Variants in DCC observed in about 807,000 individuals in gnomAD.
The protein encoded by DCC is DCC netrin 1 receptor, also known as netrin receptor DCC.
Under a neutral mutation model 172.5 loss-of-function variants are expected in DCC, and 58 were observed. That is an observed-to-expected ratio of 0.34 (90% CI 0.27 to 0.42). DCC has a LOEUF of 0.42. Among genes scored for constraint, DCC ranks in the 10% least tolerant of loss-of-function variants. The probability of loss-of-function intolerance (pLI) is 1.00; values close to 1 mark genes in which losing one functional copy is unlikely to be tolerated. For synonymous variants in DCC, 709 were observed against 644.5 expected (o/e 1.10, Z -1.52); for missense variants, 1,740 against 1,791.0 (o/e 0.97, Z 0.51).
At chr18:53,329,677 A>C (rs886997756) in intron 14 of DCC, among the ~76,000 whole-genome samples, 2 of 152,204 alleles carry the variant, frequency 1.3e-5, no homozygotes, top group Non-Finnish European at 2.9e-5. Flanking sequence ...TTTCCAAATC[A>C]ATGAATAATT....
chr18:52,954,208 C>A (rs1445598586), intron 5 of DCC, among the ~76,000 whole-genome samples: 1 of 152,098 alleles, frequency 6.6e-6, no homozygotes, highest in South Asian at 2.1e-4. Context: ...AACCCAAATA[C>A]CATGAGAATA....
Position 52,802,643 on chromosome 18 carries a change from CTTTTTTTTTTTTT to C in DCC, c.412+50297_412+50309del, listed in dbSNP as rs776080029. On this transcript the variant is annotated intron_variant, in intron 2 of 28. Transcript: ENST00000442544. ...ACAGGTACACATCACCACGCCAAGCCTTTTTTTTTTTTTTTTTTTTTTTTTTTTTTTTTTTTTT... is the reference window on the plus strand; with the variant it reads ...ACAGGTACACATCACCACGCCAAGCCTTTTTTTTTTTTTTTTTTTTTTTTT... 6.0e-3 allele frequency among the ~76,000 whole-genome samples: 228 copies of C among 38,166 alleles called. 2 individuals are homozygous for C. The highest frequency in any genetic ancestry group is 9.3e-3 in the Non-Finnish European group (181 of 19,526). The allele number at this position is 38,166 out of a possible 152,430, so 25.0% of individuals were successfully genotyped here.
At chr18:52,896,840 G>T (rs532642502) in intron 2 of DCC, among the ~76,000 whole-genome samples, 2 of 150,250 alleles carry the variant, frequency 1.3e-5, no homozygotes, top group African/African-American at 2.5e-5. Flanking sequence ...ACCTCCAGGG[G>T]AAAGCTGGGT....
chr18:53,089,275 A>G (rs1373154082), intron 7 of DCC, among the ~76,000 whole-genome samples: 1 of 152,002 alleles, frequency 6.6e-6, no homozygotes, highest in Non-Finnish European at 1.5e-5. Context: ...TAGTAGAGAC[A>G]GGGTTTCACC....
chr18:52,700,416 C>T (rs905876552), intron 1 of DCC, among the ~76,000 whole-genome samples: 1 of 151,882 alleles, frequency 6.6e-6, no homozygotes, highest in African/African-American at 2.4e-5. Context: ...CACGCACATG[C>T]ACACACACAC....
At chr18:53,150,435 A>T (rs1047777998) in intron 7 of DCC, among the ~76,000 whole-genome samples, 1 of 152,220 alleles carries the variant, frequency 6.6e-6, no homozygotes, top group African/African-American at 2.4e-5. Context: ...TATGGCTAAC[A>T]TACACTGTGA....
chr18:52,853,942 C>A (rs1361909266), intron 2 of DCC, among the ~76,000 whole-genome samples: 1 of 152,190 alleles, frequency 6.6e-6, no homozygotes, highest in African/African-American at 2.4e-5. Flanking sequence ...AAAGCACTAC[C>A]AGCAAAGAAT....
intron 5 of DCC, among the ~76,000 whole-genome samples, chr18:53,014,553 C>T (rs2041780490): frequency 1.3e-5 from 2 of 149,082 alleles, no homozygotes; most frequent in East Asian, 4.0e-4. Flanking sequence ...GGTTTTTTGT[C>T]CTTGCGATAG....
At chr18:53,264,102 G>C (rs1051400109) in intron 12 of DCC, among the ~76,000 whole-genome samples, 5 of 152,066 alleles carry the variant, frequency 3.3e-5, no homozygotes, top group Admixed American at 2.0e-4. Flanking sequence ...GAGTCTAATG[G>C]TAATACAGCC....
Position 52,942,683 on chromosome 18 carries a change from A to C in DCC, c.985+17313A>C, listed in dbSNP as rs538732761. On this transcript the variant is annotated intron_variant, in intron 5 of 28. Coordinates refer to ENST00000442544, the MANE Select transcript of DCC (RefSeq NM_005215.4). ...AAGACTTATTCACTACCGTGAAAACAGCATGGGGGAACCTCCTCCATGATT... is the reference window on the plus strand; with the variant it reads ...AAGACTTATTCACTACCGTGAAAACCGCATGGGGGAACCTCCTCCATGATT... Among the ~76,000 whole-genome samples, 6 of 152,314 alleles carry C rather than the reference A, an allele frequency of 3.9e-5. No homozygotes were observed. In the East Asian group the frequency reaches 1.2e-3, roughly 29 times the overall value.
intron 7 of DCC, among the ~76,000 whole-genome samples, chr18:53,121,012 A>G (rs1037346051): frequency 2.0e-5 from 3 of 151,912 alleles, no homozygotes; most frequent in Middle Eastern, 3.2e-3. Flanking sequence ...AATACATTTT[A>G]TCATTAAGGA....
intron 2 of DCC, among the ~76,000 whole-genome samples, chr18:52,818,989 C>T (rs1336010411): frequency 2.0e-5 from 3 of 152,098 alleles, no homozygotes; most frequent in Non-Finnish European, 4.4e-5. Context: ...CTTAACACTA[C>T]GGAGTTAGGC....
At chr18:53,260,602 A>T (rs1272473835) in intron 12 of DCC, among the ~76,000 whole-genome samples, 1 of 152,116 alleles carries the variant, frequency 6.6e-6, no homozygotes, top group African/African-American at 2.4e-5. Context: ...GTGAGGTGTC[A>T]GTCTGCCCCT....
chr18:53,225,184 A>G (rs999607259), intron 12 of DCC, among the ~76,000 whole-genome samples: 1 of 152,156 alleles, frequency 6.6e-6, no homozygotes, highest in Non-Finnish European at 1.5e-5. Context: ...GGGAGATATG[A>G]CATTCGAGAG....
At chr18:52,835,833 G>T (rs28630913) in intron 2 of DCC, among the ~76,000 whole-genome samples, 66,482 of 151,928 alleles carry the variant, frequency 0.44, 14,726 homozygotes, top group South Asian at 0.55. Context: ...TTTCACCTAG[G>T]CATAACATTT....
At chr18:52,905,783 T>C (rs2039873569) in intron 2 of DCC, among the ~76,000 whole-genome samples, 1 of 152,188 alleles carries the variant, frequency 6.6e-6, no homozygotes, top group Non-Finnish European at 1.5e-5. Flanking sequence ...ATCTACTTTG[T>C]TTATTTTACA....
chr18:53,159,326 A>C, intron 8 of DCC, among the ~76,000 whole-genome samples: 1 of 152,132 alleles, frequency 6.6e-6, no homozygotes, highest in Middle Eastern at 3.2e-3. Context: ...TTGACCAAGC[A>C]AAAAATTCAT....
At chr18:52,515,927 G>GAAAAAA (rs1316170577) in intron 1 of DCC, among the ~76,000 whole-genome samples, 4 of 75,620 alleles carry the variant, frequency 5.3e-5, no homozygotes, top group Non-Finnish European at 1.1e-4. Flanking sequence ...GTTAGAAAAT[G>GAAAAAA]GAAAAAAAAA....
intron 15 of DCC, among the ~76,000 whole-genome samples, chr18:53,356,082 T>C (rs752462940): frequency 6.6e-6 from 1 of 152,042 alleles, no homozygotes; most frequent in Non-Finnish European, 1.5e-5. Flanking sequence ...TGAGACAGGG[T>C]CTCACTCTGT....
Sources: gnomAD v4.1 joint callset for allele counts (sites outside exome capture counted in the v4.1 genomes callset) on GRCh38, gnomAD v4.1.1 for gene constraint, MANE v1.5 for transcripts, NCBI Gene and HGNC (gene_info 2026-07-23, HGNC 2026-07-21) for gene names.